Variants in ZZEF1 observed in about 807,000 individuals in gnomAD.
ZZEF1 encodes zinc finger ZZ-type and EF-hand domain containing 1, also known as zinc finger ZZ-type and EF-hand domain-containing protein 1.
Under a neutral mutation model 342.8 loss-of-function variants are expected in ZZEF1, and 157 were observed. That is an observed-to-expected ratio of 0.46 (90% CI 0.40 to 0.52). The LOEUF (loss-of-function observed/expected upper bound fraction) is 0.52, where lower values mean the gene tolerates loss of function less well. Among genes scored for constraint, ZZEF1 ranks in the 20% least tolerant of loss-of-function variants. The pLI is 0.00. For missense variants in ZZEF1, 3,480 were observed against 3,725.6 expected (o/e 0.93, Z 1.72); for synonymous variants, 1,505 against 1,429.1 (o/e 1.05, Z -1.20).
chr17:4,109,859 G>C lies in ZZEF1; in HGVS notation c.1071C>G (p.Val357=). The C allele has an allele frequency of 6.2e-7, 1 of 1,614,078 alleles. No individual in the cohort carries two copies. The highest frequency in any genetic ancestry group is 8.5e-7 in the Non-Finnish European group (1 of 1,180,024). ...LENANVSQLY[V]QINIKRCLSD... is the part of the protein sequence containing the mutation. ...TAAGACAACGCTTTATGTTAATCTGGACATCTGTCGAGCACAAACAAAAAA... is the reference window on the plus strand; with the variant it reads ...TAAGACAACGCTTTATGTTAATCTGCACATCTGTCGAGCACAAACAAAAAA... The change falls in exon 6 of 55, where the codon GTC becomes GTG. Residue 357 remains valine, a synonymous_variant. Coordinates refer to ENST00000381638, the MANE Select transcript of ZZEF1 (RefSeq NM_015113.4).
intron 9 of ZZEF1, among the ~76,000 whole-genome samples, chr17:4,098,393 T>C (rs569831078): frequency 6.6e-6 from 1 of 152,154 alleles, no homozygotes; most frequent in East Asian, 1.9e-4. Context: ...GTCTGGGCAG[T>C]AGAGTGAGAC....
At chr17:4,139,380 T>C (rs1281083592) in intron 1 of ZZEF1, among the ~76,000 whole-genome samples, 1 of 152,248 alleles carries the variant, frequency 6.6e-6, no homozygotes, top group African/African-American at 2.4e-5. Context: ...TGCGCACCCG[T>C]GGCTATCTGT....
At chr17:4,034,753 C>G (rs902973623) in intron 39 of ZZEF1, among the ~76,000 whole-genome samples, 3 of 152,102 alleles carry the variant, frequency 2.0e-5, no homozygotes, top group African/African-American at 7.2e-5. Context: ...TCCCAGCACT[C>G]TGGGAGGCCA....
intron 18 of ZZEF1, among the ~76,000 whole-genome samples, chr17:4,081,077 AT>A (rs1162158784): frequency 6.6e-6 from 1 of 152,148 alleles, no homozygotes; most frequent in Non-Finnish European, 1.5e-5. Context: ...ATCTCTACAA[AT>A]AATTTAAAAA....
intron 37 of ZZEF1, among the ~76,000 whole-genome samples, chr17:4,049,497 C>G (rs979297974): frequency 6.6e-6 from 1 of 152,050 alleles, no homozygotes; most frequent in Non-Finnish European, 1.5e-5. Context: ...TGGGTGACAG[C>G]GAGACCCTGT....
rs1361527719 is a variant in ZZEF1 at position 4,109,878 on chromosome 17, C to A, written c.1067-15G>T. ...AATCTGGACATCTGTCGAGCACAAA[C>A]AAAAAATTCAGTATTGGATTAACTT... On this transcript the variant is annotated splice_polypyrimidine_tract_variant and intron_variant, in intron 5 of 54. Coordinates refer to ENST00000381638, the MANE Select transcript of ZZEF1 (RefSeq NM_015113.4). 3 of 1,613,258 alleles carry A rather than the reference C, an allele frequency of 1.9e-6. No homozygotes were observed. In the African/African-American group the frequency reaches 4.0e-5, roughly 22 times the overall value.
At chr17:4,098,817 T>C (rs1346619707) in intron 9 of ZZEF1, among the ~76,000 whole-genome samples, 1 of 152,236 alleles carries the variant, frequency 6.6e-6, no homozygotes, top group Non-Finnish European at 1.5e-5. Flanking sequence ...AGACGCTCTA[T>C]GATCTAGTTC....
chr17:4,101,178 AGAG>A (rs2058120787), intron 9 of ZZEF1, among the ~76,000 whole-genome samples: 2 of 152,198 alleles, frequency 1.3e-5, no homozygotes, highest in South Asian at 4.1e-4. Flanking sequence ...AGCACTGAGG[AGAG>A]GAGGTGCAGC....
At chr17:4,076,485 C>G in intron 21 of ZZEF1, 152 bp downstream of exon 21, 1 of 1,004,750 alleles carries the variant, frequency 1.0e-6, no homozygotes, top group South Asian at 1.8e-5. Context: ...GACTGACATT[C>G]ACCCTTGTTG....
intron 30 of ZZEF1, 77 bp from the exon 31 acceptor site, chr17:4,059,367 T>G: frequency 6.5e-7 from 1 of 1,539,892 alleles, no homozygotes; most frequent in South Asian, 1.2e-5. Flanking sequence ...ATTTCTTACA[T>G]GAAAAAGAGC....
chr17:4,081,535 G>T lies in ZZEF1; in HGVS notation c.2715-45C>A, dbSNP rs375117173. ...TCATGACACCTGGCTTCAGGAGAAA[G>T]ATTTTTATACTATTTTAAAAGATTC... is the stretch of plus-strand genomic sequence containing the variant. On this transcript the variant is annotated intron_variant, in intron 17 of 54. Coordinates refer to ENST00000381638, the MANE Select transcript of ZZEF1 (RefSeq NM_015113.4). The T allele has an allele frequency of 1.5e-5, 22 of 1,469,284 alleles. No homozygotes were observed. The African/African-American group carries it at 2.5e-4, about 17-fold the overall frequency. 91.0% of individuals were successfully genotyped at this position (1,469,284 alleles called of 1,614,324 possible). A position where few individuals can be genotyped will look rare whatever the true frequency, so the allele number is the denominator to read the frequency against.
At chr17:4,110,449 T>G (rs1254383068) in intron 5 of ZZEF1, among the ~76,000 whole-genome samples, 1 of 152,140 alleles carries the variant, frequency 6.6e-6, no homozygotes, top group African/African-American at 2.4e-5. Flanking sequence ...AACTACTTAT[T>G]TGCTAGGGGT....
intron 3 of ZZEF1, 112 bp from the exon 4 acceptor site, chr17:4,114,582 A>C: frequency 1.1e-6 from 1 of 891,000 alleles, no homozygotes; most frequent in Non-Finnish European, 1.6e-6. Context: ...CTAGAAACAC[A>C]AATCTTCCTT....
At chr17:4,140,437 C>G (rs1232821210) in intron 1 of ZZEF1, among the ~76,000 whole-genome samples, 1 of 152,146 alleles carries the variant, frequency 6.6e-6, no homozygotes, top group Admixed American at 6.5e-5. Flanking sequence ...GCTATTTATT[C>G]CTTATACCTT....
chr17:4,096,267 A>G (rs905975524), intron 10 of ZZEF1, among the ~76,000 whole-genome samples: 2 of 152,144 alleles, frequency 1.3e-5, no homozygotes, highest in African/African-American at 4.8e-5. Flanking sequence ...TAAATGTTCA[A>G]TGAATAACCA....
chr17:4,025,479 G>A (rs1364040912), intron 42 of ZZEF1, among the ~76,000 whole-genome samples: 3 of 152,166 alleles, frequency 2.0e-5, no homozygotes, highest in Non-Finnish European at 4.4e-5. Context: ...TTGAGGTCAG[G>A]AGTTCAAGGC....
chr17:4,087,783 A>AACACACACTCACAC (rs2057862998), intron 13 of ZZEF1, among the ~76,000 whole-genome samples: 1 of 145,990 alleles, frequency 6.8e-6, no homozygotes, highest in Non-Finnish European at 1.5e-5. Context: ...ATATACACAC[A>AACACACACTCACAC]ACACACACAC....
At chr17:4,082,011 G>A (rs766652008) in intron 17 of ZZEF1, among the ~76,000 whole-genome samples, 2 of 152,210 alleles carry the variant, frequency 1.3e-5, no homozygotes, top group Non-Finnish European at 2.9e-5. Context: ...AATGAAGCCT[G>A]TAGGCCCATT....
chr17:4,072,320 T>C (rs899438105), intron 25 of ZZEF1, among the ~76,000 whole-genome samples: 2 of 152,248 alleles, frequency 1.3e-5, no homozygotes, highest in African/African-American at 4.8e-5. Flanking sequence ...CAGTAGGCAC[T>C]AGAAGTACAC....
Sources: allele counts gnomAD v4.1 joint callset (sites outside exome capture counted in the v4.1 genomes callset), GRCh38; gene constraint gnomAD v4.1.1; transcripts MANE v1.5; gene names NCBI Gene and HGNC (gene_info 2026-07-23, HGNC 2026-07-21).